PTPRN2: variants seen among roughly 807,000 people sequenced by gnomAD.
PTPRN2 encodes protein tyrosine phosphatase receptor type N2.
A neutral mutation model predicts 118.8 loss-of-function variants in PTPRN2; 74 were observed. That is an observed-to-expected ratio of 0.62 (90% CI 0.52 to 0.76). The LOEUF is 0.76. Among genes scored for constraint, PTPRN2 ranks in the 30% least tolerant of loss-of-function variants. PTPRN2 has a pLI of 0.00. For missense variants in PTPRN2, 1,481 were observed against 1,394.4 expected (o/e 1.06, Z -0.99); for synonymous variants, 641 against 608.0 (o/e 1.05, Z -0.80).
At chr7:157,631,025 T>C (rs1411590296) in intron 14 of PTPRN2, among the ~76,000 whole-genome samples, 1 of 152,212 alleles carries the variant, frequency 6.6e-6, no homozygotes, top group Non-Finnish European at 1.5e-5. Context: ...ATGCCATTTA[T>C]TCCAAGCTCT....
At position 158,583,763 on chromosome 7, in the gene PTPRN2, T is replaced by C. The variant is rs531552877; in HGVS notation, c.112+3795A>G. On this transcript the variant is annotated intron_variant, in intron 1 of 22. Transcript: ENST00000389418. ...CCCAGAACATCAGCCCTTAGGCTGA[T>C]GGAGACCGAGCAGGAGAGACAGGGA... is the stretch of plus-strand genomic sequence containing the variant. 3.8e-3 allele frequency among the ~76,000 whole-genome samples: 571 copies of C among 152,266 alleles called. 6 individuals are homozygous for C. Among genetic ancestry groups the C allele is most frequent in the African/African-American group, 9.2e-3 (383 of 41,554 alleles).
chr7:158,191,883 T>A lies in PTPRN2; in HGVS notation c.549+444A>T, dbSNP rs1303331685. ...GGCAGGCTTGCCGGGGAGCAGGAGC[T>A]TTCCTTGGATGCAGTAGTTGCACCT... On this transcript the variant is annotated intron_variant, in intron 5 of 22. Transcript: ENST00000389418. Among the ~76,000 whole-genome samples the A allele has an allele frequency of 2.0e-5, 3 of 152,096 alleles. No homozygotes were observed. The East Asian group carries it at 5.8e-4, about 30-fold the overall frequency.
chr7:158,431,428 C>T (rs1816170063), intron 2 of PTPRN2, among the ~76,000 whole-genome samples: 1 of 69,096 alleles, frequency 1.4e-5, no homozygotes, highest in African/African-American at 5.5e-5. Context: ...GGCACACTGG[C>T]TCACACCAGG....
intron 3 of PTPRN2, among the ~76,000 whole-genome samples, chr7:158,212,630 C>A (rs763936621): frequency 2.0e-5 from 3 of 152,112 alleles, no homozygotes; most frequent in Non-Finnish European, 4.4e-5. Flanking sequence ...TTTTTATCTA[C>A]TATGAAAGAT....
chr7:158,471,982 C>T (rs1026754401), intron 2 of PTPRN2, among the ~76,000 whole-genome samples: 6 of 151,794 alleles, frequency 4.0e-5, no homozygotes, highest in East Asian at 1.9e-4. Flanking sequence ...GGCCCCGCCA[C>T]GGTTCCGGCC....
At position 158,186,385 on chromosome 7, in the gene PTPRN2, CAT is replaced by C. The variant is rs1467450972; in HGVS notation, c.549+5940_549+5941del. ...GGCAGATTTCTCCCGGGGGCTCACT[CAT>C]GTGGTCGGGGTGGGAGGAGAATGGG... On this transcript the variant is annotated intron_variant, in intron 5 of 22. Coordinates refer to ENST00000389418, the MANE Select transcript of PTPRN2 (RefSeq NM_002847.5). 2.6e-5 allele frequency among the ~76,000 whole-genome samples: 4 copies of C among 152,132 alleles called. No individual in the cohort carries two copies. In the East Asian group the frequency reaches 7.7e-4, roughly 29 times the overall value.
intron 12 of PTPRN2, among the ~76,000 whole-genome samples, chr7:157,883,505 C>T (rs569042858): frequency 6.6e-6 from 1 of 151,512 alleles, no homozygotes; most frequent in South Asian, 2.1e-4. Context: ...ACACACCACC[C>T]CAAAAATGAC....
chr7:157,772,294 C>CACAGACATACACACAAAGACAT (rs1802910601), intron 12 of PTPRN2, among the ~76,000 whole-genome samples: 3 of 151,304 alleles, frequency 2.0e-5, no homozygotes, highest in African/African-American at 7.4e-5. Context: ...CACACAAACA[C>CACAGACATACACACAAAGACAT]ACAGACATAC....
chr7:157,983,374 TGAG>T (rs1183989252), intron 11 of PTPRN2, among the ~76,000 whole-genome samples: 3 of 128,864 alleles, frequency 2.3e-5, no homozygotes, highest in Non-Finnish European at 4.9e-5. Context: ...GTCATAGAGA[TGAG>T]GAGGGGAATG....
At chr7:158,006,405 C>T (rs1805634907) in intron 11 of PTPRN2, among the ~76,000 whole-genome samples, 1 of 152,198 alleles carries the variant, frequency 6.6e-6, no homozygotes, top group Admixed American at 6.5e-5. Flanking sequence ...TTTTGGCATC[C>T]AGAACATCTC....
intron 3 of PTPRN2, among the ~76,000 whole-genome samples, chr7:158,262,569 AT>A (rs1369879071): frequency 1.4e-5 from 2 of 143,430 alleles, no homozygotes; most frequent in Non-Finnish European, 1.5e-5. Context: ...CTACACACAC[AT>A]TCACACACAG....
chr7:158,034,874 G>A (rs1163691898), intron 11 of PTPRN2, among the ~76,000 whole-genome samples: 3 of 152,234 alleles, frequency 2.0e-5, no homozygotes, highest in Non-Finnish European at 2.9e-5. Context: ...GCCTGAATTC[G>A]GAGAAGCAGA....
intron 5 of PTPRN2, among the ~76,000 whole-genome samples, chr7:158,180,077 C>A (rs1421070117): frequency 6.6e-6 from 1 of 152,238 alleles, no homozygotes; most frequent in Admixed American, 6.5e-5. Context: ...TTTCTTTTAT[C>A]TCCAGCTTGC....
Position 158,421,563 on chromosome 7 carries a change from T to G in PTPRN2, c.163+68172A>C, listed in dbSNP as rs1354873561. On this transcript the variant is annotated intron_variant, in intron 2 of 22. Coordinates refer to ENST00000389418, the MANE Select transcript of PTPRN2 (RefSeq NM_002847.5). ...AAAGAAAGAAACGCAGCAGATGGCT[T>G]GGATTAAATCTGAACAGTGATAAGT... Among the ~76,000 whole-genome samples the G allele has an allele frequency of 2.0e-5, 3 of 152,220 alleles. No individual in the cohort carries two copies. The East Asian group carries it at 5.8e-4, about 29-fold the overall frequency.
intron 1 of PTPRN2, among the ~76,000 whole-genome samples, chr7:158,500,647 A>G (rs1411542329): frequency 6.6e-6 from 1 of 152,232 alleles, no homozygotes; most frequent in Non-Finnish European, 1.5e-5. Flanking sequence ...GATCCTGCAG[A>G]CGCTGCCAAA....
intron 12 of PTPRN2, among the ~76,000 whole-genome samples, chr7:157,723,035 A>G (rs916032273): frequency 6.6e-6 from 1 of 152,210 alleles, no homozygotes. Context: ...ACTCTCACCA[A>G]TGCAGATGGT....
chr7:158,585,268 T>C (rs541106929), intron 1 of PTPRN2, among the ~76,000 whole-genome samples: 5 of 152,290 alleles, frequency 3.3e-5, no homozygotes, highest in African/African-American at 9.6e-5. Context: ...GGAGGGGACA[T>C]AGGTAGCTGA....
intron 7 of PTPRN2, among the ~76,000 whole-genome samples, chr7:158,137,602 C>T (rs1442601353): frequency 6.6e-6 from 1 of 152,044 alleles, no homozygotes; most frequent in African/African-American, 2.4e-5. Context: ...TAACACAGGC[C>T]CTCCCGGGGT....
In PTPRN2 at chr7:157,977,494, G is replaced by A. The variant is rs1802838132; in HGVS notation, c.1724-78757C>T. Among the ~76,000 whole-genome samples the A allele has an allele frequency of 6.6e-6, 1 of 151,926 alleles. No individual in the cohort carries two copies. The highest frequency in any genetic ancestry group is 2.4e-5 in the African/African-American group (1 of 41,420). ...GCAAATGTGGGATTGTGCCTGGCAG[G>A]TGGAGGGCCCAGAGCGTGCAAGGCC... On this transcript the variant is annotated intron_variant, in intron 11 of 22. Coordinates refer to ENST00000389418, the MANE Select transcript of PTPRN2 (RefSeq NM_002847.5). This position sits in a 1 kb window ranked among gnomAD's most constrained non-coding sequence, Gnocchi z 4.6.
Sources: allele counts gnomAD v4.1 joint callset (sites outside exome capture counted in the v4.1 genomes callset), GRCh38; gene constraint gnomAD v4.1.1; non-coding constraint Gnocchi (gnomAD v3.1); transcripts MANE v1.5; gene names NCBI Gene and HGNC (gene_info 2026-07-23, HGNC 2026-07-21).